Variants in SLC39A12 observed in about 807,000 individuals in gnomAD.
SLC39A12 encodes the protein zinc transporter ZIP12.
SLC39A12 carries 63 observed loss-of-function variants against 71.1 expected under a neutral mutation model. That is an observed-to-expected ratio of 0.89 (90% CI 0.72 to 1.09). The LOEUF is 1.09. Among genes scored for constraint, SLC39A12 ranks in the 50% least tolerant of loss-of-function variants. The pLI, the probability that SLC39A12 is intolerant of heterozygous loss-of-function variation, is 0.00. For missense variants in SLC39A12, 892 were observed against 812.6 expected, an observed-to-expected ratio of 1.10 and a Z score of -1.19; for synonymous variants, 351 against 301.3, an observed-to-expected ratio of 1.16 and a Z score of -1.71.
At position 17,967,439 on chromosome 10, in the gene SLC39A12, T is replaced by C. The variant is rs77219319; in HGVS notation, c.751+1749T>C. ...CATTTCTTCCTTACTAGCGTAATAA[T>C]CCTATAATAGAAAAACTTCCCCTCG... On this transcript the variant is annotated intron_variant, in intron 4 of 12. Transcript: ENST00000377369. Among the ~76,000 whole-genome samples, 524 of 152,296 alleles carry C rather than the reference T, an allele frequency of 3.4e-3. 3 individuals carry two copies. Among genetic ancestry groups the C allele is most frequent in the African/African-American group, 0.012 (506 of 41,556 alleles).
intron 12 of SLC39A12, among the ~76,000 whole-genome samples, chr10:18,007,711 G>A (rs1381485402): frequency 6.6e-6 from 1 of 152,036 alleles, no homozygotes; most frequent in Non-Finnish European, 1.5e-5. Context: ...TCCTGACATT[G>A]CCCTGGCATT....
chr10:17,978,077 A>G lies in SLC39A12; in HGVS notation c.924+3A>G, dbSNP rs375737042. 7.9e-5 allele frequency: 123 copies of G among 1,556,334 alleles called. No homozygotes were observed. The highest frequency in any genetic ancestry group is 1.0e-4 in the Non-Finnish European group (119 of 1,158,382). The stretch of plus-strand genomic sequence containing the variant: ...ATGGTCCAGTTTCCTGGGATCAGGT[A>G]TTGCCATTGTTTCTCTTATTCAAGC... On this transcript the variant is annotated splice_donor_region_variant and intron_variant, in intron 5 of 12. Transcript: ENST00000377369.
chr10:18,019,695 C>T (rs375255207), intron 12 of SLC39A12, among the ~76,000 whole-genome samples: 5 of 152,072 alleles, frequency 3.3e-5, no homozygotes, highest in South Asian at 4.2e-4. Context: ...TATTTAATCT[C>T]CAGTTCTTTT....
chr10:18,032,458 G>A (rs996104921), intron 12 of SLC39A12, among the ~76,000 whole-genome samples: 29 of 129,082 alleles, frequency 2.2e-4, no homozygotes, highest in Middle Eastern at 8.1e-3. Context: ...TTTGTCTGTT[G>A]TTGGTGTATA....
chr10:17,992,772 A>T (rs1371585263), intron 8 of SLC39A12, among the ~76,000 whole-genome samples: 1 of 152,188 alleles, frequency 6.6e-6, no homozygotes, highest in African/African-American at 2.4e-5. Context: ...TAATTCCAAG[A>T]TTTATGATAT....
At chr10:17,955,305 A>C (rs1316578453) in intron 2 of SLC39A12, among the ~76,000 whole-genome samples, 1 of 151,782 alleles carries the variant, frequency 6.6e-6, no homozygotes, top group East Asian at 1.9e-4. Context: ...TTGAAACACC[A>C]TCTTAAATAG....
At chr10:17,957,963 T>C (rs1834591033) in intron 2 of SLC39A12, among the ~76,000 whole-genome samples, 1 of 152,182 alleles carries the variant, frequency 6.6e-6, no homozygotes. Context: ...ACGTGTTCAT[T>C]CAAGGTTACC....
chr10:17,952,422 C>T (rs1834424039), intron 1 of SLC39A12, among the ~76,000 whole-genome samples: 1 of 151,702 alleles, frequency 6.6e-6, no homozygotes, highest in African/African-American at 2.4e-5. Context: ...CCTGTGTTTT[C>T]TGAACATTAC....
At chr10:17,968,944 C>T (rs115140860) in intron 4 of SLC39A12, among the ~76,000 whole-genome samples, 2,065 of 152,298 alleles carry the variant, frequency 0.014, 41 homozygotes, top group African/African-American at 0.043. Flanking sequence ...TCCCTCAGTA[C>T]ATTTCCCAAC....
intron 12 of SLC39A12, among the ~76,000 whole-genome samples, chr10:18,019,000 T>G (rs1330190575): frequency 6.6e-6 from 1 of 152,130 alleles, no homozygotes; most frequent in East Asian, 1.9e-4. Flanking sequence ...TAAAGTTCAT[T>G]GGTGAGCCCA....
At chr10:17,955,137 G>C (rs1417269307) in intron 2 of SLC39A12, among the ~76,000 whole-genome samples, 1 of 151,838 alleles carries the variant, frequency 6.6e-6, no homozygotes. Flanking sequence ...ATTAAGGCTG[G>C]TTGAATAGTA....
intron 12 of SLC39A12, among the ~76,000 whole-genome samples, chr10:18,035,448 G>A (rs992025671): frequency 7.1e-6 from 1 of 140,212 alleles, no homozygotes; most frequent in African/African-American, 2.8e-5. Context: ...ATTGGCTCCT[G>A]AGGCTTCTGC....
chr10:17,997,082 T>C (rs1485245513), intron 10 of SLC39A12, among the ~76,000 whole-genome samples: 1 of 151,434 alleles, frequency 6.6e-6, no homozygotes, highest in African/African-American at 2.4e-5. Flanking sequence ...GCACCAACAA[T>C]TTTTTTGTGA....
chr10:18,030,384 C>G (rs1012725238), intron 12 of SLC39A12, among the ~76,000 whole-genome samples: 8 of 151,564 alleles, frequency 5.3e-5, no homozygotes, highest in African/African-American at 1.9e-4. Context: ...ACCACATGGG[C>G]CCACCACCAC....
intron 12 of SLC39A12, among the ~76,000 whole-genome samples, chr10:18,013,615 T>C (rs1016999950): frequency 3.3e-5 from 5 of 152,160 alleles, no homozygotes; most frequent in African/African-American, 1.2e-4. Flanking sequence ...CAAGTGATCC[T>C]CTTGCCTCAG....
At chr10:18,029,511 T>TA (rs1406035967) in intron 12 of SLC39A12, among the ~76,000 whole-genome samples, 1 of 152,246 alleles carries the variant, frequency 6.6e-6, no homozygotes, top group East Asian at 1.9e-4. Flanking sequence ...GTTACTTCTC[T>TA]ACTTCAAGGT....
At chr10:17,982,223 A>G (rs537776405) in intron 6 of SLC39A12, among the ~76,000 whole-genome samples, 9 of 152,180 alleles carry the variant, frequency 5.9e-5, no homozygotes, top group Non-Finnish European at 1.2e-4. Context: ...CCACTGAGTC[A>G]TTGCAATAGA....
Position 17,992,823 on chromosome 10 carries a change from A to G in SLC39A12, c.1423-358A>G, listed in dbSNP as rs576463149. The stretch of plus-strand genomic sequence containing the variant: ...GAATACGTATGTTTTAGGAACTGCA[A>G]ATGCTTTACTTGATGAATACATTTC... On this transcript the variant is annotated intron_variant, in intron 8 of 12. Transcript: ENST00000377369. Among the ~76,000 whole-genome samples the G allele has an allele frequency of 3.3e-5, 5 of 152,334 alleles. No homozygotes were observed. In the South Asian group the frequency reaches 8.3e-4, roughly 25 times the overall value.
At chr10:17,967,894 A>ATATATATATAT (rs1476243267) in intron 4 of SLC39A12, among the ~76,000 whole-genome samples, 11 of 117,820 alleles carry the variant, frequency 9.3e-5, no homozygotes, top group Middle Eastern at 4.1e-3. Context: ...CTCAAAAAAA[A>ATATATATATAT]AAAAATATAT....
Sources: allele counts gnomAD v4.1 joint callset (sites outside exome capture counted in the v4.1 genomes callset), GRCh38; gene constraint gnomAD v4.1.1; transcripts MANE v1.5; gene names NCBI Gene and HGNC (gene_info 2026-07-23, HGNC 2026-07-21).